CORO1C: variants seen among roughly 807,000 people sequenced by gnomAD.
The protein encoded by CORO1C is coronin 1C.
Under a neutral mutation model 51.2 loss-of-function variants are expected in CORO1C, and 14 were observed. The observed-to-expected ratio is 0.27, with a 90% confidence interval of 0.18 to 0.43. The LOEUF is 0.43. Among genes scored for constraint, CORO1C ranks in the 20% least tolerant of loss-of-function variants. The pLI is 1.00. For synonymous variants in CORO1C, 181 were observed against 210.5 expected (o/e 0.86, Z 1.21); for missense variants, 417 against 607.8 (o/e 0.69, Z 3.30).
intron 1 of CORO1C, among the ~76,000 whole-genome samples, chr12:108,717,874 C>T (rs149525241): frequency 1.3e-5 from 2 of 152,224 alleles, no homozygotes; most frequent in Non-Finnish European, 1.5e-5. Flanking sequence ...TACTTTTGCT[C>T]GCAAAAGTGT....
intron 1 of CORO1C, among the ~76,000 whole-genome samples, chr12:108,706,654 G>C (rs572014493): frequency 2.6e-5 from 4 of 152,212 alleles, no homozygotes; most frequent in Admixed American, 1.3e-4. Flanking sequence ...GAGCGCAGTG[G>C]TGCAATCTTG....
chr12:108,698,259 A>G (rs930365004), intron 2 of CORO1C, among the ~76,000 whole-genome samples: 19 of 152,242 alleles, frequency 1.2e-4, no homozygotes, highest in African/African-American at 4.1e-4. Flanking sequence ...AAAGTTATAC[A>G]TTGAATTAGG....
Position 108,662,138 on chromosome 12 carries a change from A to G in CORO1C, c.339T>C (p.Asn113=), listed in dbSNP as rs200803526. 10 of 1,613,694 alleles carry G rather than the reference A, an allele frequency of 6.2e-6. No individual in the cohort carries two copies. Among genetic ancestry groups the G allele is most frequent in the Non-Finnish European group, 8.5e-6 (10 of 1,179,760 alleles). Reference sequence around the variant, plus strand: ...GTTCAGTCAGGGAAAGGGTGAGTCCATTTTCTGGGATCTGCCATACCTGTT... The same window carrying G: ...GTTCAGTCAGGGAAAGGGTGAGTCCGTTTTCTGGGATCTGCCATACCTGTT... ...CTVMVWQIPE[N]GLTLSLTEPV... is the part of the protein sequence containing the mutation. The change falls in exon 4 of 11, where the codon AAT becomes AAC. Residue 113 remains asparagine (N), a synonymous_variant. Transcript: ENST00000261401.
At chr12:108,650,180 C>CTTTTTTTT (rs1057367204) in intron 8 of CORO1C, among the ~76,000 whole-genome samples, 2 of 80,414 alleles carry the variant, frequency 2.5e-5, no homozygotes, top group Non-Finnish European at 4.6e-5. Context: ...AACCAAAAAC[C>CTTTTTTTT]TTTTTTTTTT....
intron 3 of CORO1C, among the ~76,000 whole-genome samples, chr12:108,664,441 T>G (rs1236635033): frequency 1.3e-5 from 2 of 152,198 alleles, no homozygotes; most frequent in African/African-American, 4.8e-5. Flanking sequence ...GAAAAAGTCA[T>G]GAGTTGAGTG....
Position 108,649,019 on chromosome 12 carries a change from A to C in CORO1C, c.1003T>G (p.Phe335Val), listed in dbSNP as rs2032515441. Residue 335 changes from phenylalanine (F) to valine (V), a missense_variant and splice_region_variant, in exon 9 of 11, where the codon TTC becomes GTC. Physicochemically the swap from Phe to Val is conservative, Grantham distance 50. Coordinates refer to ENST00000261401, the MANE Select transcript of CORO1C (RefSeq NM_014325.4). ...CACTTTCTCTCATGAAGTTTGAAGAATCTTCAGAGGGGAAATAAAGGCAAA... is the reference window on the plus strand; with the variant it reads ...CACTTTCTCTCATGAAGTTTGAAGACTCTTCAGAGGGGAAATAAAGGCAAA... ...LDVNKCEIAR[F>V]FKLHERKCEP... 4.3e-6 allele frequency: 7 copies of C among 1,614,060 alleles called. No homozygotes were observed. The highest frequency in any genetic ancestry group is 1.6e-4 in the Middle Eastern group (1 of 6,084).
chr12:108,665,904 G>A (rs2033457783), intron 3 of CORO1C, among the ~76,000 whole-genome samples: 2 of 152,188 alleles, frequency 1.3e-5, no homozygotes, highest in South Asian at 2.1e-4. Flanking sequence ...TCTGTGAGGC[G>A]GTTTGAAGAC....
intron 2 of CORO1C, among the ~76,000 whole-genome samples, chr12:108,689,776 G>T (rs372664597): frequency 2.6e-5 from 4 of 152,188 alleles, no homozygotes; most frequent in Non-Finnish European, 4.4e-5. Flanking sequence ...AGGAAAAAAT[G>T]AGTATCAAAA....
intron 3 of CORO1C, among the ~76,000 whole-genome samples, chr12:108,667,151 A>G (rs2033516656): frequency 6.6e-6 from 1 of 152,106 alleles, no homozygotes; most frequent in Non-Finnish European, 1.5e-5. Flanking sequence ...GACGCCATAT[A>G]TATTTCTAGG....
At chr12:108,679,134 C>CAAAAAAAAAAAAAAAAAAAAAAAAA (rs2034027740) in intron 2 of CORO1C, among the ~76,000 whole-genome samples, 1 of 49,688 alleles carries the variant, frequency 2.0e-5, no homozygotes, top group Non-Finnish European at 4.0e-5. Flanking sequence ...AAAAAAGAAA[C>CAAAAAAAAAAAAAAAAAAAAAAAAA]AAGAAAAAAG....
chr12:108,689,228 T>A (rs1038670439), intron 2 of CORO1C, among the ~76,000 whole-genome samples: 3 of 152,120 alleles, frequency 2.0e-5, no homozygotes, highest in Non-Finnish European at 4.4e-5. Flanking sequence ...TGGATCAATC[T>A]GATAATCACT....
intron 1 of CORO1C, among the ~76,000 whole-genome samples, chr12:108,703,296 C>T (rs2034931486): frequency 6.6e-6 from 1 of 152,134 alleles, no homozygotes; most frequent in African/African-American, 2.4e-5. Flanking sequence ...CAAATTCATA[C>T]AATTAAAACC....
intron 6 of CORO1C, among the ~76,000 whole-genome samples, chr12:108,655,700 G>A (rs1159073044): frequency 6.6e-6 from 1 of 152,226 alleles, no homozygotes; most frequent in Non-Finnish European, 1.5e-5. Context: ...TGCCCGGGCT[G>A]GAGTGCAGTG....
intron 1 of CORO1C, among the ~76,000 whole-genome samples, chr12:108,719,956 G>A (rs965892897): frequency 6.6e-6 from 1 of 152,136 alleles, no homozygotes; most frequent in Non-Finnish European, 1.5e-5. Context: ...AGGCTGAGGC[G>A]AGAGGATCAC....
chr12:108,693,042 C>T (rs1012721302), intron 2 of CORO1C, among the ~76,000 whole-genome samples: 4 of 152,076 alleles, frequency 2.6e-5, no homozygotes, highest in Non-Finnish European at 5.9e-5. Flanking sequence ...AGGTGATCCA[C>T]CTGCCTCGGC....
rs2032378730 is a variant in CORO1C, at chr12:108,646,806, C to T, written c.*597G>A. The T allele has an allele frequency of 6.6e-6, 1 of 152,616 alleles. No individual in the cohort carries two copies. Among genetic ancestry groups the T allele is most frequent in the East Asian group, 1.9e-4 (1 of 5,202 alleles). The allele number at this position is 152,616 out of a possible 1,614,324, so 9.5% of individuals were successfully genotyped here. A position where few individuals can be genotyped will look rare whatever the true frequency, so the allele number is the denominator to read the frequency against. On this transcript the variant is annotated 3_prime_UTR_variant, in exon 11 of 11. Coordinates refer to ENST00000261401, the MANE Select transcript of CORO1C (RefSeq NM_014325.4). ...GGTTTGTGCTGCAAAGGAGCCAGCA[C>T]CATGTGGCTACTGCTTTGATTGTTC...
Position 108,682,560 on chromosome 12 carries a change from C to T in CORO1C, c.196-4166G>A, listed in dbSNP as rs560436989. 2.6e-5 allele frequency among the ~76,000 whole-genome samples: 4 copies of T among 152,116 alleles called. No homozygotes were observed. In the East Asian group the frequency reaches 7.7e-4, roughly 29 times the overall value. ...ATAATTAAGGCAAACGTTGACAGAA[C>T]TTGAAGAAAATGACAAAGTCATAAT... On this transcript the variant is annotated intron_variant, in intron 2 of 10. Coordinates refer to ENST00000261401, the MANE Select transcript of CORO1C (RefSeq NM_014325.4).
At chr12:108,720,119 G>A (rs1319777022) in intron 1 of CORO1C, among the ~76,000 whole-genome samples, 5 of 152,136 alleles carry the variant, frequency 3.3e-5, no homozygotes, top group Non-Finnish European at 7.3e-5. Flanking sequence ...CTGGGAGGGC[G>A]ACGCTGCATT....
At chr12:108,656,590 C>G (rs942039504) in intron 6 of CORO1C, among the ~76,000 whole-genome samples, 26 of 152,182 alleles carry the variant, frequency 1.7e-4, no homozygotes, top group African/African-American at 6.3e-4. Flanking sequence ...ATGACGATGG[C>G]GGTTTTGTGG....
Sources: gnomAD v4.1 joint callset for allele counts (sites outside exome capture counted in the v4.1 genomes callset) on GRCh38, gnomAD v4.1.1 for gene constraint, MANE v1.5 for transcripts, NCBI Gene and HGNC (gene_info 2026-07-23, HGNC 2026-07-21) for gene names.